IL16: variants seen among roughly 807,000 people sequenced by gnomAD.
The protein encoded by IL16 is interleukin 16.
In IL16, 67 loss-of-function variants were observed where a neutral mutation model predicts 110.1. The observed-to-expected ratio is 0.61, with a 90% CI of 0.50 to 0.75. The LOEUF (loss-of-function observed/expected upper bound fraction) is 0.75, where lower values mean the gene tolerates loss of function less well. Among genes scored for constraint, IL16 ranks in the 30% least tolerant of loss-of-function variants. The probability of loss-of-function intolerance (pLI) is 0.00; values close to 1 mark genes in which losing one functional copy is unlikely to be tolerated. For missense variants in IL16, 1,545 were observed against 1,655.0 expected, an observed-to-expected ratio of 0.93 and a Z score of 1.15; for synonymous variants, 689 against 662.9, an observed-to-expected ratio of 1.04 and a Z score of -0.61.
At position 81,228,270 on chromosome 15, in the gene IL16, G is replaced by T. The variant is rs551768705; in HGVS notation, c.312+2559G>T. Among the ~76,000 whole-genome samples the T allele has an allele frequency of 2.2e-4, 33 of 152,146 alleles. 1 individual carries two copies. In the South Asian group the frequency reaches 6.6e-3, roughly 31 times the overall value. On this transcript the variant is annotated intron_variant, in intron 2 of 18. Coordinates refer to ENST00000683961, the MANE Select transcript of IL16 (RefSeq NM_172217.5). ...GGGCATGGGGAGGGACCCGGGCAGG[G>T]GAAAGAACAAACTTCACCTTTTCAT...
intron 4 of IL16, among the ~76,000 whole-genome samples, chr15:81,266,006 C>T (rs1034233039): frequency 2.0e-5 from 3 of 152,198 alleles, no homozygotes; most frequent in Non-Finnish European, 4.4e-5. Context: ...CATTGAGCGC[C>T]CCCTTGTGCC....
At chr15:81,196,775 C>T, upstream of IL16, 1 of 989,526 alleles carries the variant, frequency 1.0e-6, no homozygotes, top group Non-Finnish European at 1.3e-6. Context: ...TGAGGCTGAG[C>T]TTCTCAGCAC....
rs975277034 is a variant in IL16 at position 81,311,325 on chromosome 15, T to G, written c.*2527T>G. 1 of 152,232 alleles carries G rather than the reference T, an allele frequency of 6.6e-6. No individual in the cohort carries two copies. Among genetic ancestry groups the G allele is most frequent in the East Asian group, 1.9e-4 (1 of 5,204 alleles). 9.4% of individuals were successfully genotyped at this position (152,232 alleles called of 1,614,324 possible). A position where few individuals can be genotyped will look rare whatever the true frequency, so the allele number is the denominator to read the frequency against. On this transcript the variant is annotated 3_prime_UTR_variant, in exon 19 of 19. Transcript: ENST00000683961. ...TACATTATCTCACTTGTGCCAACAC[T>G]CAAGAAGCAGGCTACACTGACACTG...
intron 11 of IL16, among the ~76,000 whole-genome samples, chr15:81,291,515 C>T (rs984867522): frequency 6.6e-6 from 1 of 152,094 alleles, no homozygotes; most frequent in Non-Finnish European, 1.5e-5. Context: ...CCTTGGTTCT[C>T]TCTCATGGGG....
chr15:81,194,574 C>G (rs1319283434), upstream of IL16, among the ~76,000 whole-genome samples: 1 of 151,186 alleles, frequency 6.6e-6, no homozygotes, highest in African/African-American at 2.4e-5. Flanking sequence ...TAAAAATTTA[C>G]TTTTGGAAAT....
intron 16 of IL16, among the ~76,000 whole-genome samples, chr15:81,304,864 A>G (rs1596058385): frequency 2.0e-5 from 3 of 152,338 alleles, no homozygotes; most frequent in Admixed American, 6.5e-5. Flanking sequence ...CTCCTATCAT[A>G]AAAGCAAAAC....
chr15:81,243,143 G>GTATATATA lies in IL16; in HGVS notation c.313-16615_313-16608dup, dbSNP rs1275444035. ...TTTTGCTTATATATTAGCTATATAA[G>GTATATATA]TATATATATATATATATATATTTTT... On this transcript the variant is annotated intron_variant, in intron 2 of 18. Coordinates refer to ENST00000683961, the MANE Select transcript of IL16 (RefSeq NM_172217.5). Among the ~76,000 whole-genome samples the GTATATATA allele has an allele frequency of 9.1e-3, 431 of 47,166 alleles. 12 individuals are homozygous for GTATATATA. Among genetic ancestry groups the GTATATATA allele is most frequent in the East Asian group, 0.025 (30 of 1,178 alleles). The allele number at this position is 47,166 out of a possible 152,430, so 30.9% of individuals were successfully genotyped here. A position where few individuals can be genotyped will look rare whatever the true frequency, so the allele number is the denominator to read the frequency against.
At chr15:81,284,176 T>A (rs1899333044) in intron 9 of IL16, among the ~76,000 whole-genome samples, 1 of 152,222 alleles carries the variant, frequency 6.6e-6, no homozygotes, top group African/African-American at 2.4e-5. Context: ...GATTTAAAAA[T>A]TTATCCTATT....
chr15:81,247,075 CCTTTTTTTT>C (rs1897581772), intron 2 of IL16, among the ~76,000 whole-genome samples: 2 of 109,420 alleles, frequency 1.8e-5, no homozygotes, highest in African/African-American at 6.7e-5. Context: ...CTTTTCTTTT[CCTTTTTTTT>C]TTTTTTTTTT....
In IL16 at chr15:81,222,621, A is replaced by G. The variant is rs1333505010; in HGVS notation, c.-101-2678A>G. Among the ~76,000 whole-genome samples the G allele has an allele frequency of 2.6e-5, 4 of 151,766 alleles. No homozygotes were observed. The East Asian group carries it at 5.8e-4, about 22-fold the overall frequency. On this transcript the variant is annotated intron_variant, in intron 1 of 18. Coordinates refer to ENST00000683961, the MANE Select transcript of IL16 (RefSeq NM_172217.5). ...CTACATGGTCGCCCTCAGCATCCCCATGTTTATATCTTTCCTGTTTAGCAC... is the reference window on the plus strand; with the variant it reads ...CTACATGGTCGCCCTCAGCATCCCCGTGTTTATATCTTTCCTGTTTAGCAC...
At chr15:81,298,642 G>T (rs1356505267) in intron 13 of IL16, among the ~76,000 whole-genome samples, 1 of 152,208 alleles carries the variant, frequency 6.6e-6, no homozygotes, top group Admixed American at 6.5e-5. Context: ...CCAAGGTGGA[G>T]AATCCTACTT....
Position 81,300,096 on chromosome 15 carries a change from C to T in IL16, c.2770C>T (p.Pro924Ser). ...AGACCCAGGTGTGTCTGAGTCCCCT[C>T]CCCCAGGGCGGCAGCCCAATCAGAA... ...ARDPGVSESP[P>S]PGRQPNQKTL... The change falls in exon 14 of 19, where the codon CCC (proline) becomes TCC (serine). Residue 924 changes from proline to serine, a missense_variant. Around this residue, in one of 3 missense-constraint regions of IL16, gnomAD observed 1,185 missense variants for 1,238.8 expected, o/e 0.96. Coordinates refer to ENST00000683961, the MANE Select transcript of IL16 (RefSeq NM_172217.5). The T allele has an allele frequency of 1.3e-6, 2 of 1,582,338 alleles. No homozygotes were observed. The highest frequency in any genetic ancestry group is 1.7e-6 in the Non-Finnish European group (2 of 1,165,174).
chr15:81,218,707 G>C (rs1896516548), intron 1 of IL16, among the ~76,000 whole-genome samples: 1 of 152,152 alleles, frequency 6.6e-6, no homozygotes, highest in African/African-American at 2.4e-5. Flanking sequence ...TTTTATTGAT[G>C]CAAGTAAGTT....
In IL16 at chr15:81,225,591, A is replaced by G. The variant is rs769862783; in HGVS notation, c.192A>G (p.Ala64=). The G allele has an allele frequency of 3.7e-6, 6 of 1,613,988 alleles. No individual in the cohort carries two copies. Among genetic ancestry groups the G allele is most frequent in the Admixed American group, 1.7e-5 (1 of 60,000 alleles). ...EGIFHSSVQL[A]DTSEAGPSSV... ...TTTTCCACTCATCTGTGCAGCTGGC[A>G]GACACATCGGAGGCTGGGCCCAGCA... Residue 64 remains alanine, a synonymous_variant, in exon 2 of 19, where the codon GCA becomes GCG. Coordinates refer to ENST00000683961, the MANE Select transcript of IL16 (RefSeq NM_172217.5).
intron 5 of IL16, among the ~76,000 whole-genome samples, chr15:81,271,166 C>G (rs1002227482): frequency 6.6e-6 from 1 of 152,116 alleles, no homozygotes; most frequent in Non-Finnish European, 1.5e-5. Context: ...CTGGCTCACG[C>G]CTATAATCCC....
At position 81,292,866 on chromosome 15, in the gene IL16, G is replaced by A. The variant is rs115975100; in HGVS notation, c.1731G>A (p.Pro577=). Residue 577 remains proline (P), a synonymous_variant, in exon 12 of 19, where the codon CCG becomes CCA. Transcript: ENST00000683961. Reference sequence around the variant, plus strand: ...TCCCAGAGAGCCGGGACAGCCACCCGCCGCTGAGACTGAAGAAATCCTTTG... The same window carrying A: ...TCCCAGAGAGCCGGGACAGCCACCCACCGCTGAGACTGAAGAAATCCTTTG... The part of the protein sequence containing the change: ...PPLPESRDSH[P]PLRLKKSFEI... 418 of 1,614,110 alleles carry A rather than the reference G, an allele frequency of 2.6e-4. No homozygotes were observed. In the African/African-American group the frequency reaches 4.3e-3, roughly 17 times the overall value.
At position 81,199,019 on chromosome 15, in the gene IL16, C is replaced by CAAAA. The variant is rs71451567; in HGVS notation, c.-102+1876_-102+1879dup. ...TGGGTGACAGAGGGAGACTCCATCT[C>CAAAA]AAAAAAAAAAAATATATATATATAT... On this transcript the variant is annotated intron_variant, in intron 1 of 18. Transcript: ENST00000683961. 4.9e-3 allele frequency among the ~76,000 whole-genome samples: 384 copies of CAAAA among 79,168 alleles called. 6 individuals carry two copies. Among genetic ancestry groups the CAAAA allele is most frequent in the East Asian group, 0.026 (61 of 2,358 alleles). 51.9% of individuals were successfully genotyped at this position (79,168 alleles called of 152,430 possible). A position where few individuals can be genotyped will look rare whatever the true frequency, so the allele number is the denominator to read the frequency against.
At chr15:81,218,404 G>A in intron 1 of IL16, among the ~76,000 whole-genome samples, 1 of 152,120 alleles carries the variant, frequency 6.6e-6, no homozygotes, top group East Asian at 1.9e-4. Context: ...TCCCTGGATG[G>A]GAAGACTTTC....
In IL16 at chr15:81,292,965, C is replaced by A; in HGVS notation, c.1830C>A (p.Asp610Glu). The A allele has an allele frequency of 6.2e-7, 1 of 1,614,044 alleles. No individual in the cohort carries two copies. The highest frequency in any genetic ancestry group is 8.5e-7 in the Non-Finnish European group (1 of 1,180,000). Reference sequence around the variant, plus strand: ...GAAAATACTTTAAAAGTGACAGTGACCCTCAGAAGAGTCTGGAAGAGAGAG... The same window carrying A: ...GAAAATACTTTAAAAGTGACAGTGAACCTCAGAAGAGTCTGGAAGAGAGAG... Reference protein sequence around the residue: ...PPRKYFKSDSDPQKSLEEREN... With the variant: ...PPRKYFKSDSEPQKSLEEREN... The change falls in exon 12 of 19, where the codon GAC becomes GAA. Residue 610 changes from aspartate to glutamate, a missense_variant. Physicochemically the swap from Asp to Glu is conservative, Grantham distance 45 (BLOSUM62 2). Around this residue, in one of 3 missense-constraint regions of IL16, gnomAD observed 1,185 missense variants for 1,238.8 expected, o/e 0.96. Coordinates refer to ENST00000683961, the MANE Select transcript of IL16 (RefSeq NM_172217.5).
Sources: allele counts gnomAD v4.1 joint callset (sites outside exome capture counted in the v4.1 genomes callset), GRCh38; gene constraint gnomAD v4.1.1; regional missense constraint gnomAD v4.1.1; transcripts MANE v1.5; gene names NCBI Gene and HGNC (gene_info 2026-07-23, HGNC 2026-07-21).